The following PEAK1 variants were observed in gnomAD, a reference collection of about 807,000 sequenced individuals.
PEAK1 encodes the protein inactive tyrosine-protein kinase PEAK1.
In PEAK1, 54 loss-of-function variants were observed where a neutral mutation model predicts 124.7. The observed-to-expected ratio is 0.43, with a 90% CI of 0.35 to 0.54. The LOEUF (loss-of-function observed/expected upper bound fraction) is 0.54. Ranked by LOEUF, PEAK1 falls within the 20% of genes least tolerant of loss-of-function variation. The pLI, the probability that PEAK1 is intolerant of heterozygous loss-of-function variation, is 0.01. For missense variants in PEAK1, 2,046 were observed against 2,134.5 expected (o/e 0.96, Z 0.82); for synonymous variants, 719 against 760.0 (o/e 0.95, Z 0.89).
chr15:77,419,596 C>T (rs2073197247), intron 1 of PEAK1: 2 of 984,976 alleles, frequency 2.0e-6, no homozygotes, highest in Non-Finnish European at 2.4e-6. Context: ...CAGAGAAGCC[C>T]CTCCTGCCCC....
intron 2 of PEAK1, among the ~76,000 whole-genome samples, chr15:77,356,126 C>G (rs982890128): frequency 2.0e-5 from 3 of 152,078 alleles, no homozygotes; most frequent in African/African-American, 7.2e-5. Context: ...ATAAGAATGT[C>G]AAGGAAGAAG....
chr15:77,278,786 G>C (rs1345857106), intron 5 of PEAK1: 2 of 363,112 alleles, frequency 5.5e-6, no homozygotes, highest in Non-Finnish European at 1.1e-5. Flanking sequence ...TATACAGTTT[G>C]AAATACTATT....
intron 2 of PEAK1, chr15:77,348,775 T>A (rs1330064314): frequency 2.0e-6 from 2 of 982,042 alleles, no homozygotes; most frequent in Non-Finnish European, 2.4e-6. Flanking sequence ...ATGATGAATA[T>A]CTTTTTTTCT....
chr15:77,229,794 T>C (rs1387875100), intron 6 of PEAK1, among the ~76,000 whole-genome samples: 1 of 152,036 alleles, frequency 6.6e-6, no homozygotes, highest in Non-Finnish European at 1.5e-5. Context: ...ATTACAGGCG[T>C]CCACCACCAT....
intron 6 of PEAK1, among the ~76,000 whole-genome samples, chr15:77,232,384 T>C (rs566588254): frequency 2.0e-5 from 3 of 152,084 alleles, no homozygotes; most frequent in Non-Finnish European, 4.4e-5. Flanking sequence ...AAATCTCAAA[T>C]GGGGATTTAA....
chr15:77,305,938 C>T (rs1308439493), intron 2 of PEAK1, among the ~76,000 whole-genome samples: 3 of 151,962 alleles, frequency 2.0e-5, no homozygotes, highest in Non-Finnish European at 4.4e-5. Context: ...ATATGAAACC[C>T]ACGGACATGT....
intron 2 of PEAK1, chr15:77,346,485 A>C: frequency 1.2e-5 from 12 of 985,418 alleles, no homozygotes; most frequent in Non-Finnish European, 1.4e-5. Context: ...GTTAGAAGCC[A>C]ATTTTCCTAC....
chr15:77,308,027 C>T (rs2152998270), intron 2 of PEAK1, among the ~76,000 whole-genome samples: 1 of 152,152 alleles, frequency 6.6e-6, no homozygotes, highest in Non-Finnish European at 1.5e-5. Flanking sequence ...TAGGAATATA[C>T]TAGCTGCTTA....
At chr15:77,335,223 T>C (rs976475677) in intron 2 of PEAK1, 1 of 985,456 alleles carries the variant, frequency 1.0e-6, no homozygotes, top group African/African-American at 1.7e-5. Context: ...AAGATTCTCC[T>C]TCAGGGGCTC....
chr15:77,287,751 C>CAA (rs777970685), intron 2 of PEAK1, among the ~76,000 whole-genome samples: 1 of 152,224 alleles, frequency 6.6e-6, no homozygotes, highest in East Asian at 1.9e-4. Context: ...GTACTATAGG[C>CAA]AAAAACTCAA....
intron 6 of PEAK1, among the ~76,000 whole-genome samples, chr15:77,250,425 TTTTG>T (rs1321866863): frequency 8.0e-5 from 12 of 150,364 alleles, no homozygotes; most frequent in South Asian, 2.1e-4. Context: ...TTTTGTGTTT[TTTTG>T]TTTGTTTGTT....
At chr15:77,378,919 G>GT (rs2069249032) in intron 1 of PEAK1, among the ~76,000 whole-genome samples, 1 of 152,200 alleles carries the variant, frequency 6.6e-6, no homozygotes, top group Non-Finnish European at 1.5e-5. Context: ...GATGGACTGT[G>GT]TAAGTCCGAG....
intron 1 of PEAK1, chr15:77,370,716 A>T: frequency 2.0e-6 from 2 of 985,230 alleles, no homozygotes; most frequent in Non-Finnish European, 2.4e-6. Flanking sequence ...ATGTCTTCAG[A>T]TAACTTTTGT....
chr15:77,182,084 A>G (rs2057304226), intron 6 of PEAK1, 44 bp from the exon 7 acceptor site: 3 of 1,337,374 alleles, frequency 2.2e-6, no homozygotes, highest in Non-Finnish European at 1.9e-6. Flanking sequence ...TGAAAAAGGC[A>G]CTATGAGACT....
intron 7 of PEAK1, chr15:77,178,519 G>C: frequency 2.2e-6 from 1 of 458,832 alleles, no homozygotes; most frequent in African/African-American, 2.0e-5. Context: ...AGGTGTTATG[G>C]ATTTGCTTTT....
chr15:77,371,209 G>C, intron 1 of PEAK1: 1 of 984,114 alleles, frequency 1.0e-6, no homozygotes, highest in Non-Finnish European at 1.2e-6. Context: ...TTATTCTATG[G>C]ATAGCAACCT....
At chr15:77,252,330 TG>T (rs2060919599) in intron 6 of PEAK1, 36 bp downstream of exon 6, 3 of 962,130 alleles carry the variant, frequency 3.1e-6, no homozygotes, top group African/African-American at 1.8e-5. Flanking sequence ...CTAAAATTCT[TG>T]GTGGAAATGT....
Position 77,373,389 on chromosome 15 carries a change from T to C in PEAK1, c.-665-8164A>G, listed in dbSNP as rs1478991104. Among the ~76,000 whole-genome samples the C allele has an allele frequency of 2.0e-5, 3 of 152,214 alleles. No individual in the cohort carries two copies. The East Asian group carries it at 5.8e-4, about 29-fold the overall frequency. On this transcript the variant is annotated intron_variant, in intron 1 of 9. Transcript: ENST00000682557. The stretch of plus-strand genomic sequence containing the variant: ...AGTACCTCTCAAACTATATCATAAC[T>C]GTCTCTTATGGTTAGAGAACAGTAA...
intron 5 of PEAK1, chr15:77,278,924 C>T (rs531804483): frequency 4.2e-6 from 1 of 238,290 alleles, no homozygotes; most frequent in South Asian, 5.3e-5. Context: ...CCTCCGCCTC[C>T]TGGGTTCAAG....
Sources: allele counts gnomAD v4.1 joint callset (sites outside exome capture counted in the v4.1 genomes callset), GRCh38; gene constraint gnomAD v4.1.1; transcripts MANE v1.5; gene names NCBI Gene and HGNC (gene_info 2026-07-23, HGNC 2026-07-21).